Variants in SCN11A observed in about 807,000 individuals in gnomAD.
The protein encoded by SCN11A is sodium channel protein type 11 subunit alpha.
Under a neutral mutation model 162.2 loss-of-function variants are expected in SCN11A, and 122 were observed. That is an observed-to-expected ratio of 0.75 (90% CI 0.65 to 0.87). SCN11A has a LOEUF of 0.87. Ranked by LOEUF, SCN11A falls within the 40% of genes least tolerant of loss-of-function variation. The probability of loss-of-function intolerance (pLI) is 0.00; values close to 1 mark genes in which losing one functional copy is unlikely to be tolerated. For synonymous variants in SCN11A, 758 were observed against 751.5 expected, an observed-to-expected ratio of 1.01 and a Z score of -0.14; for missense variants, 2,015 against 2,181.6, an observed-to-expected ratio of 0.92 and a Z score of 1.52.
intron 2 of SCN11A, among the ~76,000 whole-genome samples, chr3:39,022,878 CA>C (rs200201040): frequency 0.037 from 5,243 of 143,214 alleles, 181 homozygotes; most frequent in East Asian, 0.16. Flanking sequence ...GACCCTGTCT[CA>C]AAAAAAAAAT....
chr3:38,904,639 A>G (rs1404421597), intron 15 of SCN11A, among the ~76,000 whole-genome samples: 1 of 152,088 alleles, frequency 6.6e-6, no homozygotes, highest in Non-Finnish European at 1.5e-5. Flanking sequence ...AGTAGGCTTA[A>G]AAGTGCTAGA....
Position 38,894,534 on chromosome 3 carries a change from T to C in SCN11A, c.2834A>G (p.Gln945Arg). The change falls in exon 19 of 30, where the codon CAG becomes CGG. Residue 945 changes from glutamine to arginine, a missense_variant and splice_region_variant. Gln to Arg is a conservative substitution (Grantham distance 43). Coordinates refer to ENST00000302328, the MANE Select transcript of SCN11A (RefSeq NM_001349253.2). ...QRITQPEPEQ[Q>R]AYELHQENKK... is the part of the protein sequence containing the mutation. ...AAGTCTATGTGTGAACCTTCATACC[T>C]GTTGTTCAGGCTCAGGTTGTGTGAT... The C allele has an allele frequency of 6.3e-7, 1 of 1,597,830 alleles. No individual in the cohort carries two copies. Among genetic ancestry groups the C allele is most frequent in the Non-Finnish European group, 8.5e-7 (1 of 1,172,220 alleles).
intron 3 of SCN11A, among the ~76,000 whole-genome samples, 87 bp from the exon 4 acceptor site, chr3:38,953,846 A>G (rs1274105810): frequency 6.6e-6 from 1 of 152,238 alleles, no homozygotes; most frequent in Non-Finnish European, 1.5e-5. Flanking sequence ...GTGAAAGCAA[A>G]GAAATGTAGC....
intron 2 of SCN11A, among the ~76,000 whole-genome samples, 168 bp from the exon 3 acceptor site, chr3:38,960,591 A>AT (rs1210186882): frequency 6.6e-6 from 1 of 152,240 alleles, no homozygotes; most frequent in Non-Finnish European, 1.5e-5. Context: ...AGAAAGCATC[A>AT]TTAATAAAGA....
At chr3:38,944,760 A>G (rs890829977) in intron 7 of SCN11A, among the ~76,000 whole-genome samples, 7 of 151,598 alleles carry the variant, frequency 4.6e-5, no homozygotes, top group Non-Finnish European at 8.8e-5. Flanking sequence ...CAAGAGTTCA[A>G]GACCAGCCTG....
chr3:38,859,526 A>C (rs2064928055), intron 28 of SCN11A, among the ~76,000 whole-genome samples: 1 of 152,160 alleles, frequency 6.6e-6, no homozygotes. Context: ...CAGTAATAAA[A>C]AAATTACCAA....
intron 28 of SCN11A, among the ~76,000 whole-genome samples, chr3:38,852,629 C>G (rs1018406318): frequency 6.6e-6 from 1 of 152,192 alleles, no homozygotes; most frequent in Admixed American, 6.5e-5. Context: ...TTCCAAACCC[C>G]TTGTTCTATT....
At chr3:38,880,683 A>G (rs1025184487) in intron 22 of SCN11A, among the ~76,000 whole-genome samples, 5 of 152,186 alleles carry the variant, frequency 3.3e-5, no homozygotes, top group African/African-American at 1.2e-4. Context: ...TATGTGTGCC[A>G]TGACATTAAC....
At chr3:38,953,274 G>A (rs997846850) in intron 4 of SCN11A, among the ~76,000 whole-genome samples, 2 of 152,068 alleles carry the variant, frequency 1.3e-5, no homozygotes, top group Non-Finnish European at 2.9e-5. Flanking sequence ...GAGGGTGGAA[G>A]GAAGGAAAGG....
chr3:38,873,518 TTTAAG>T (rs1165002280), intron 23 of SCN11A, among the ~76,000 whole-genome samples: 8 of 152,156 alleles, frequency 5.3e-5, no homozygotes, highest in Admixed American at 4.6e-4. Context: ...TGGAGAGTTA[TTTAAG>T]TTATTAAGTT....
intron 2 of SCN11A, among the ~76,000 whole-genome samples, chr3:38,987,652 T>C (rs928140418): frequency 6.6e-6 from 1 of 152,228 alleles, no homozygotes; most frequent in African/African-American, 2.4e-5. Flanking sequence ...ACACTCGTTC[T>C]GGACACTGGC....
intron 19 of SCN11A, among the ~76,000 whole-genome samples, chr3:38,888,858 G>A (rs879853210): frequency 1.3e-5 from 2 of 152,050 alleles, no homozygotes; most frequent in African/African-American, 2.4e-5. Context: ...TCTAGACCAA[G>A]GTGGCCAAGA....
intron 28 of SCN11A, among the ~76,000 whole-genome samples, chr3:38,855,833 C>T (rs550245389): frequency 6.6e-4 from 101 of 152,318 alleles, no homozygotes; most frequent in Non-Finnish European, 1.0e-3. Flanking sequence ...GCCACTTCCA[C>T]CAGAGCAGGT....
intron 26 of SCN11A, among the ~76,000 whole-genome samples, chr3:38,869,077 G>C (rs182180740): frequency 6.6e-6 from 1 of 152,308 alleles, no homozygotes; most frequent in Admixed American, 6.5e-5. Context: ...GAGGCCAGCA[G>C]AGTGCTGGGT....
chr3:38,966,411 T>C (rs1575340477), intron 2 of SCN11A, among the ~76,000 whole-genome samples: 2 of 152,040 alleles, frequency 1.3e-5, no homozygotes, highest in East Asian at 3.8e-4. Context: ...GAGGTAGGAG[T>C]ATTTTACAAA....
intron 2 of SCN11A, among the ~76,000 whole-genome samples, chr3:39,002,440 G>C (rs1204199421): frequency 6.6e-6 from 1 of 152,154 alleles, no homozygotes; most frequent in East Asian, 1.9e-4. Context: ...AGGCAAAAAG[G>C]AACAGGAAAA....
intron 17 of SCN11A, among the ~76,000 whole-genome samples, chr3:38,899,108 GA>G (rs201329079): frequency 2.7e-5 from 4 of 150,232 alleles, no homozygotes; most frequent in African/African-American, 4.9e-5. Context: ...AATCCTATCT[GA>G]AAAAAAAAGG....
At chr3:39,045,105 A>T (rs150843613) in intron 1 of SCN11A, among the ~76,000 whole-genome samples, 5 of 152,304 alleles carry the variant, frequency 3.3e-5, no homozygotes, top group African/African-American at 1.2e-4. Flanking sequence ...GGGAAGAAAT[A>T]GAAAACCTGA....
intron 2 of SCN11A, among the ~76,000 whole-genome samples, chr3:38,999,668 T>A (rs6762382): frequency 0.069 from 10,548 of 152,216 alleles, 1,169 homozygotes; most frequent in African/African-American, 0.23. Flanking sequence ...ACCTTGCAAT[T>A]TGTCAGCATA....
Sources: gnomAD v4.1 joint callset for allele counts (sites outside exome capture counted in the v4.1 genomes callset) on GRCh38, gnomAD v4.1.1 for gene constraint, MANE v1.5 for transcripts, NCBI Gene and HGNC (gene_info 2026-07-23, HGNC 2026-07-21) for gene names.